PDE11A: variants seen among roughly 807,000 people sequenced by gnomAD.
PDE11A encodes phosphodiesterase 11A.
In PDE11A, 100 loss-of-function variants were observed where a neutral mutation model predicts 100.5. That is an observed-to-expected ratio of 1.00 (90% CI 0.85 to 1.18). The LOEUF (loss-of-function observed/expected upper bound fraction) is 1.18, where lower values mean the gene tolerates loss of function less well. Ranked by LOEUF, PDE11A falls within the 50% of genes most tolerant of loss-of-function variation. PDE11A has a pLI of 0.00. For synonymous variants in PDE11A, 381 were observed against 420.8 expected (o/e 0.91, Z 1.16); for missense variants, 1,141 against 1,152.6 (o/e 0.99, Z 0.15).
chr2:178,068,540 C>A (rs1030443644), intron 1 of PDE11A, among the ~76,000 whole-genome samples: 1 of 151,878 alleles, frequency 6.6e-6, no homozygotes, highest in Non-Finnish European at 1.5e-5. Context: ...ACCTTACCTC[C>A]TGAAGAAAAA....
intron 19 of PDE11A, among the ~76,000 whole-genome samples, chr2:177,639,668 G>A (rs1024382255): frequency 2.0e-5 from 3 of 152,158 alleles, no homozygotes; most frequent in African/African-American, 7.2e-5. Flanking sequence ...AACCTGCTAG[G>A]AGCCAGATCC....
At position 177,849,199 on chromosome 2, in the gene PDE11A, C is replaced by G. The variant is rs542662892; in HGVS notation, c.1368-8816G>C. 3.3e-5 allele frequency among the ~76,000 whole-genome samples: 5 copies of G among 152,212 alleles called. No homozygotes were observed. The East Asian group carries it at 9.7e-4, about 29-fold the overall frequency. On this transcript the variant is annotated intron_variant, in intron 5 of 19. Transcript: ENST00000286063. ...CATCCTTACACGGATGTCAGCCCAGCCTAGCCCCTACTTATACAGAAAGGG... is the reference window on the plus strand; with the variant it reads ...CATCCTTACACGGATGTCAGCCCAGGCTAGCCCCTACTTATACAGAAAGGG...
chr2:178,078,452 T>C (rs1041530875), intron 2 of PDE11A, among the ~76,000 whole-genome samples: 1 of 87,502 alleles, frequency 1.1e-5, no homozygotes, highest in Non-Finnish European at 2.5e-5. Context: ...TTGAAAGCAC[T>C]CTGAGCCAGA....
chr2:177,996,231 TAA>T (rs71010848), intron 2 of PDE11A, among the ~76,000 whole-genome samples: 89,219 of 147,014 alleles, frequency 0.61, 28,159 homozygotes, highest in Admixed American at 0.71. Context: ...CCGTCTCAAA[TAA>T]AAAAAAAAAA....
chr2:177,711,795 C>A lies in PDE11A; in HGVS notation c.2127G>T (p.Arg709Ser), dbSNP rs1380095835. 1.2e-6 allele frequency: 2 copies of A among 1,603,678 alleles called. No homozygotes were observed. The highest frequency in any genetic ancestry group is 2.2e-5 in the South Asian group (2 of 90,860). The stretch of plus-strand genomic sequence containing the variant: ...TAGCTTGGAAGGCATTGTTGGTTCC[C>A]CTGTGGTCGAGGTCATGACACAGGC... The part of the protein sequence containing the change: ...VGCLCHDLDH[R>S]GTNNAFQAKS... The change falls in exon 13 of 20, where the codon AGG (arginine) becomes AGT (serine). Residue 709 changes from arginine to serine, a missense_variant. Physicochemically the swap from Arg to Ser is moderately radical, Grantham distance 110. Transcript: ENST00000286063.
At chr2:177,689,510 C>T (rs965526748) in intron 15 of PDE11A, among the ~76,000 whole-genome samples, 1 of 152,092 alleles carries the variant, frequency 6.6e-6, no homozygotes. Context: ...CATACATCTG[C>T]AATTAATTGT....
At chr2:177,653,528 T>C (rs1443173393) in intron 19 of PDE11A, among the ~76,000 whole-genome samples, 2 of 152,252 alleles carry the variant, frequency 1.3e-5, no homozygotes, top group Non-Finnish European at 2.9e-5. Flanking sequence ...AATAGGGTCT[T>C]TGCAGATGTT....
intron 2 of PDE11A, among the ~76,000 whole-genome samples, chr2:178,081,309 T>A (rs2087282592): frequency 6.6e-6 from 1 of 152,150 alleles, no homozygotes; most frequent in Admixed American, 6.5e-5. Context: ...ACTCTTGTGT[T>A]TATAGGAAAA....
intron 2 of PDE11A, among the ~76,000 whole-genome samples, chr2:177,991,934 C>A (rs1028054706): frequency 6.6e-6 from 1 of 151,250 alleles, no homozygotes; most frequent in East Asian, 1.9e-4. Context: ...CGACAAGAGA[C>A]CCTAATTAAA....
At chr2:177,800,183 C>CT (rs11367453) in intron 9 of PDE11A, among the ~76,000 whole-genome samples, 77 of 145,946 alleles carry the variant, frequency 5.3e-4, no homozygotes, top group African/African-American at 1.8e-3. Context: ...AAAAATTTTT[C>CT]TTTTTTTTTT....
chr2:177,629,579 C>T lies in PDE11A; in HGVS notation c.2647-17G>A. The T allele has an allele frequency of 1.2e-6, 2 of 1,601,130 alleles. No homozygotes were observed. On this transcript the variant is annotated splice_polypyrimidine_tract_variant and intron_variant, in intron 19 of 19. Coordinates refer to ENST00000286063, the MANE Select transcript of PDE11A (RefSeq NM_016953.4). ...CACCAGTGCCTAAAACAAAACAAAA[C>T]AAAACACAGGTGGAGGAGAGAGGAA...
At chr2:177,791,294 G>A (rs10172384) in intron 9 of PDE11A, among the ~76,000 whole-genome samples, 49,752 of 149,302 alleles carry the variant, frequency 0.33, 8,578 homozygotes, top group African/African-American at 0.39. Context: ...AGAACAAAAA[G>A]CCAAACACTG....
At chr2:177,795,484 A>T (rs539734023) in intron 9 of PDE11A, among the ~76,000 whole-genome samples, 1 of 152,098 alleles carries the variant, frequency 6.6e-6, no homozygotes, top group Non-Finnish European at 1.5e-5. Context: ...AGAGTTTATC[A>T]ATATATGTGA....
At chr2:178,106,145 G>A (rs1279190499) in intron 1 of PDE11A, among the ~76,000 whole-genome samples, 2 of 152,068 alleles carry the variant, frequency 1.3e-5, no homozygotes, top group African/African-American at 2.4e-5. Flanking sequence ...ACATACTGTG[G>A]TTAAACAATC....
rs1347256174 is a variant in PDE11A, at chr2:177,629,060, G to A, written c.*347C>T. ...TACAAAACGAAGCAGCGCTAATGAC[G>A]CTTTTACTGTTCAGTGTTCCCTCAG... On this transcript the variant is annotated 3_prime_UTR_variant, in exon 20 of 20. Transcript: ENST00000286063. 9 of 349,512 alleles carry A rather than the reference G, an allele frequency of 2.6e-5. No homozygotes were observed. Among genetic ancestry groups the A allele is most frequent in the African/African-American group, 1.9e-4 (9 of 47,904 alleles). The allele number at this position is 349,512 out of a possible 1,614,324, so 21.7% of individuals were successfully genotyped here. A position where few individuals can be genotyped will look rare whatever the true frequency, so the allele number is the denominator to read the frequency against.
Position 177,651,942 on chromosome 2 carries a change from C to T in PDE11A, c.2646+11924G>A, listed in dbSNP as rs533525727. On this transcript the variant is annotated intron_variant, in intron 19 of 19. Transcript: ENST00000286063. ...GAAATAAAGGCAGGAATGTTAACAC[C>T]GCCACAGGGCAATTCAAGAGTGATA... Among the ~76,000 whole-genome samples the T allele has an allele frequency of 1.1e-4, 16 of 152,260 alleles. No homozygotes were observed. In the East Asian group the frequency reaches 2.7e-3, roughly 26 times the overall value.
chr2:177,632,264 A>G (rs2079963275), intron 19 of PDE11A, among the ~76,000 whole-genome samples: 1 of 152,222 alleles, frequency 6.6e-6, no homozygotes, highest in Non-Finnish European at 1.5e-5. Flanking sequence ...ACCAGCTAGT[A>G]ATTGTATCAT....
At chr2:177,986,478 T>C (rs180995906) in intron 2 of PDE11A, among the ~76,000 whole-genome samples, 1 of 152,318 alleles carries the variant, frequency 6.6e-6, no homozygotes, top group East Asian at 1.9e-4. Context: ...CCAGTCCATA[T>C]TCCACCACTT....
intron 6 of PDE11A, among the ~76,000 whole-genome samples, chr2:177,827,065 C>T (rs905126352): frequency 5.9e-5 from 9 of 152,174 alleles, no homozygotes; most frequent in African/African-American, 7.2e-5. Flanking sequence ...TGTGGGGGTG[C>T]GGGAGTGCTC....
Sources: gnomAD v4.1 joint callset for allele counts (sites outside exome capture counted in the v4.1 genomes callset) on GRCh38, gnomAD v4.1.1 for gene constraint, MANE v1.5 for transcripts, NCBI Gene and HGNC (gene_info 2026-07-23, HGNC 2026-07-21) for gene names.